Variants in CHST9 observed in about 807,000 individuals in gnomAD.
CHST9 encodes the protein carbohydrate sulfotransferase 9.
Under a neutral mutation model 44.4 loss-of-function variants are expected in CHST9, and 41 were observed. The ratio of observed to expected loss-of-function variants is 0.92; its 90% CI spans 0.72 to 1.20. The LOEUF (loss-of-function observed/expected upper bound fraction) is 1.20. CHST9 is among the 50% of genes most tolerant of loss of function. The probability of loss-of-function intolerance (pLI) is 0.00; values close to 1 mark genes in which losing one functional copy is unlikely to be tolerated. For missense variants in CHST9, 504 were observed against 516.5 expected, an observed-to-expected ratio of 0.98 and a Z score of 0.23; for synonymous variants, 171 against 178.4, an observed-to-expected ratio of 0.96 and a Z score of 0.33.
At chr18:27,160,001 G>A (rs1317093490) in intron 1 of CHST9, among the ~76,000 whole-genome samples, 1 of 152,178 alleles carries the variant, frequency 6.6e-6, no homozygotes, top group Non-Finnish European at 1.5e-5. Context: ...AGCTTAAGGA[G>A]ATTTTGGGCT....
chr18:27,024,608 T>C (rs533304559), intron 3 of CHST9, among the ~76,000 whole-genome samples: 6 of 152,258 alleles, frequency 3.9e-5, no homozygotes, highest in African/African-American at 1.4e-4. Context: ...TGTCTTTGGG[T>C]GAAATTGAGA....
At chr18:26,956,344 T>TATACAC (rs1555671803) in intron 4 of CHST9, among the ~76,000 whole-genome samples, 54 of 142,134 alleles carry the variant, frequency 3.8e-4, no homozygotes, top group African/African-American at 1.4e-3. Context: ...TATATATATA[T>TATACAC]ACACACACAA....
rs115421387 is a variant in CHST9 at position 27,141,886 on chromosome 18, A to G, written c.121+803T>C. 5.7e-3 allele frequency among the ~76,000 whole-genome samples: 872 copies of G among 152,234 alleles called. 12 individuals are homozygous for G. The highest frequency in any genetic ancestry group is 0.02 in the African/African-American group (826 of 41,550). On this transcript the variant is annotated intron_variant, in intron 2 of 5. Transcript: ENST00000618847. ...ACCATCAGAACTTCACAAGATCTGT[A>G]TGTATACATTTCTATGATATTCTAA...
In CHST9 at chr18:26,911,424, C is replaced by A. The variant is rs950342691; in HGVS notation, c.*4835G>T. On this transcript the variant is annotated 3_prime_UTR_variant, in exon 6 of 6. Transcript: ENST00000618847. Reference sequence around the variant, plus strand: ...AAAAAATCGAGGAAAGGAATGCCTGCATTTATTGGTAAGAGAATAATCTGA... The same window carrying A: ...AAAAAATCGAGGAAAGGAATGCCTGAATTTATTGGTAAGAGAATAATCTGA... 3.3e-5 allele frequency: 5 copies of A among 152,138 alleles called. No individual in the cohort carries two copies. The highest frequency in any genetic ancestry group is 7.3e-5 in the Non-Finnish European group (5 of 68,034). 9.4% of individuals were successfully genotyped at this position (152,138 alleles called of 1,614,324 possible).
chr18:27,185,157 C>T lies in CHST9; in HGVS notation c.-118G>A, dbSNP rs1240529490. 6.6e-6 allele frequency: 1 copy of T among 152,240 alleles called. No individual in the cohort carries two copies. The highest frequency in any genetic ancestry group is 1.5e-5 in the Non-Finnish European group (1 of 68,154). The allele number at this position is 152,240 out of a possible 1,614,324, so 9.4% of individuals were successfully genotyped here. A position where few individuals can be genotyped will look rare whatever the true frequency, so the allele number is the denominator to read the frequency against. On this transcript the variant is annotated 5_prime_UTR_variant, in exon 1 of 6. Coordinates refer to ENST00000618847, the MANE Select transcript of CHST9 (RefSeq NM_031422.6). ...TTACCTCGCGGGCCGCTGCCGGGCG[C>T]TTGCAGGTGCTGCTGTTCCAGGAGC...
chr18:27,131,247 A>G (rs1001094124), intron 2 of CHST9, among the ~76,000 whole-genome samples: 1 of 152,130 alleles, frequency 6.6e-6, no homozygotes, highest in African/African-American at 2.4e-5. Context: ...CCCCAGAGAA[A>G]CCTTCAATAA....
chr18:26,948,326 C>A (rs1401638278), intron 4 of CHST9, among the ~76,000 whole-genome samples: 1 of 152,040 alleles, frequency 6.6e-6, no homozygotes, highest in African/African-American at 2.4e-5. Context: ...CAGCAAACCA[C>A]CATGGCACAT....
intron 4 of CHST9, among the ~76,000 whole-genome samples, chr18:27,010,078 G>C (rs2057064512): frequency 6.6e-6 from 1 of 152,034 alleles, no homozygotes; most frequent in East Asian, 1.9e-4. Context: ...AATTCTACTA[G>C]GTTCTTTACT....
intron 3 of CHST9, among the ~76,000 whole-genome samples, chr18:27,039,717 T>C (rs1453150996): frequency 6.6e-6 from 1 of 152,178 alleles, no homozygotes; most frequent in Non-Finnish European, 1.5e-5. Context: ...AAAAATCATA[T>C]AGCTATATTG....
intron 2 of CHST9, among the ~76,000 whole-genome samples, chr18:27,133,874 A>G (rs992354099): frequency 1.1e-4 from 16 of 152,196 alleles, no homozygotes; most frequent in African/African-American, 3.9e-4. Flanking sequence ...TAATGGGAAG[A>G]CGAGGTGTGG....
intron 4 of CHST9, among the ~76,000 whole-genome samples, chr18:26,957,076 G>A (rs1568108650): frequency 6.6e-6 from 1 of 152,154 alleles, no homozygotes; most frequent in East Asian, 1.9e-4. Context: ...TGAGAGAGTA[G>A]CCTTTCATTG....
At chr18:26,936,602 C>T (rs995103295) in intron 5 of CHST9, 3 of 152,138 alleles carry the variant, frequency 2.0e-5, no homozygotes, top group African/African-American at 7.2e-5. Flanking sequence ...TACTGCCTTT[C>T]GTTGCTATGT....
intron 4 of CHST9, among the ~76,000 whole-genome samples, chr18:27,001,318 G>C (rs1420030613): frequency 6.6e-6 from 1 of 152,166 alleles, no homozygotes; most frequent in African/African-American, 2.4e-5. Flanking sequence ...CTATTCCCTT[G>C]GAAAAGAGGC....
intron 5 of CHST9, among the ~76,000 whole-genome samples, chr18:26,919,353 G>A (rs190166): frequency 0.47 from 71,810 of 151,986 alleles, 17,183 homozygotes; most frequent in East Asian, 0.7. Flanking sequence ...AGCCCTTTGT[G>A]CTTCTTTACT....
At chr18:26,930,969 G>C (rs2055868302) in intron 5 of CHST9, 1 of 151,982 alleles carries the variant, frequency 6.6e-6, no homozygotes, top group South Asian at 2.1e-4. Context: ...GAGGGGAGCT[G>C]TTTCTGCCCC....
rs2058676315 is a variant in CHST9 at position 27,153,570 on chromosome 18, G to GTGTGTGTGTA, written c.-96-10666_-96-10665insTACACACACA. Among the ~76,000 whole-genome samples the GTGTGTGTGTA allele has an allele frequency of 2.1e-4, 16 of 77,382 alleles. No individual in the cohort carries two copies. The South Asian group carries it at 3.6e-3, about 17-fold the overall frequency. The allele number at this position is 77,382 out of a possible 152,430, so 50.8% of individuals were successfully genotyped here. A position where few individuals can be genotyped will look rare whatever the true frequency, so the allele number is the denominator to read the frequency against. On this transcript the variant is annotated intron_variant, in intron 1 of 5. Transcript: ENST00000618847. ...TCTGTGTGTGTGTGTGTGTGTGTAT[G>GTGTGTGTGTA]TGTGTGTGTGTGTGTGTGTGCCTTC...
intron 4 of CHST9, among the ~76,000 whole-genome samples, chr18:26,973,053 T>C (rs1343468420): frequency 6.6e-6 from 1 of 152,076 alleles, no homozygotes; most frequent in African/African-American, 2.4e-5. Context: ...ACCTAGAACA[T>C]GTTCTCTCCT....
At chr18:27,178,341 T>G (rs1008521638) in intron 1 of CHST9, among the ~76,000 whole-genome samples, 1 of 151,988 alleles carries the variant, frequency 6.6e-6, no homozygotes, top group African/African-American at 2.4e-5. Context: ...ATTAAAAAGC[T>G]TCTTTCTTTA....
chr18:26,916,256 A>G lies in CHST9; in HGVS notation c.*3T>C, dbSNP rs771451674. ...ATACAGGGTTTTAGAAAATGAATGC[A>G]AACTACAAAAATGGAGTTGTATAAT... On this transcript the variant is annotated 3_prime_UTR_variant, in exon 6 of 6. Coordinates refer to ENST00000618847, the MANE Select transcript of CHST9 (RefSeq NM_031422.6). 23 of 1,528,698 alleles carry G rather than the reference A, an allele frequency of 1.5e-5. No individual in the cohort carries two copies. The highest frequency in any genetic ancestry group is 2.1e-5 in the Non-Finnish European group (23 of 1,114,860). 94.7% of individuals were successfully genotyped at this position (1,528,698 alleles called of 1,614,324 possible). A position where few individuals can be genotyped will look rare whatever the true frequency, so the allele number is the denominator to read the frequency against.
Sources: gnomAD v4.1 joint callset for allele counts (sites outside exome capture counted in the v4.1 genomes callset) on GRCh38, gnomAD v4.1.1 for gene constraint, MANE v1.5 for transcripts, NCBI Gene and HGNC (gene_info 2026-07-23, HGNC 2026-07-21) for gene names.